Variants in ABCC3 observed in about 807,000 individuals in gnomAD.
ABCC3 encodes ATP-binding cassette sub-family C member 3.
In ABCC3, 121 loss-of-function variants were observed where a neutral mutation model predicts 165.3. The observed-to-expected ratio is 0.73, with a 90% CI of 0.63 to 0.85. The LOEUF (loss-of-function observed/expected upper bound fraction) is 0.85. Among genes scored for constraint, ABCC3 ranks in the 40% least tolerant of loss-of-function variants. The pLI is 0.00. For synonymous variants in ABCC3, 733 were observed against 810.1 expected (o/e 0.90, Z 1.62); for missense variants, 1,869 against 1,964.1 (o/e 0.95, Z 0.92).
At chr17:50,664,205 CTTGTAG>C in intron 10 of ABCC3, 94 bp downstream of exon 10, 6 of 1,516,112 alleles carry the variant, frequency 4.0e-6, no homozygotes, top group Non-Finnish European at 5.4e-6. Flanking sequence ...ATGGCACATG[CTTGTAG>C]TCCCAGCTGC....
chr17:50,667,643 G>A lies in ABCC3; in HGVS notation c.1521G>A (p.Glu507=). The part of the protein sequence containing the change: ...GIKVLKLYAW[E]PSFLKQVEGI... ...AGGTGCTGAAGCTGTACGCCTGGGA[G>A]CCCAGCTTCCTGAAGCAGGTGGAGG... Residue 507 remains glutamate, a synonymous_variant, in exon 12 of 31, where the codon GAG becomes GAA. Coordinates refer to ENST00000285238, the MANE Select transcript of ABCC3 (RefSeq NM_003786.4). The A allele has an allele frequency of 6.2e-7, 1 of 1,614,200 alleles. No homozygotes were observed. Among genetic ancestry groups the A allele is most frequent in the Non-Finnish European group, 8.5e-7 (1 of 1,180,046 alleles).
intron 17 of ABCC3, among the ~76,000 whole-genome samples, chr17:50,669,913 A>G (rs1967611464): frequency 6.6e-6 from 1 of 152,088 alleles, no homozygotes; most frequent in Non-Finnish European, 1.5e-5. Context: ...CTCTCGCCTC[A>G]GCCTCCTGAG....
intron 26 of ABCC3, among the ~76,000 whole-genome samples, chr17:50,682,172 G>A (rs532050061): frequency 2.6e-5 from 4 of 152,076 alleles, no homozygotes; most frequent in Admixed American, 6.6e-5. Context: ...AGAACTGCGC[G>A]TTTAGAGTAA....
At chr17:50,664,248 T>C (rs1967470193) in intron 10 of ABCC3, 137 bp downstream of exon 10, 1 of 1,240,114 alleles carries the variant, frequency 8.1e-7, no homozygotes, top group South Asian at 1.4e-5. Context: ...AGAGGATCAC[T>C]TGAGCCCAAG....
chr17:50,682,741 G>C (rs1342340251), intron 26 of ABCC3, among the ~76,000 whole-genome samples: 1 of 152,170 alleles, frequency 6.6e-6, no homozygotes, highest in Admixed American at 6.5e-5. Context: ...TTGCTTATCT[G>C]TTGATTATAT....
intron 1 of ABCC3, among the ~76,000 whole-genome samples, chr17:50,636,865 G>A (rs1392157454): frequency 2.0e-5 from 3 of 152,314 alleles, no homozygotes; most frequent in South Asian, 2.1e-4. Flanking sequence ...TTGAAGCAGC[G>A]AGTCCAACCC....
chr17:50,665,539 A>G (rs928742467), intron 11 of ABCC3, among the ~76,000 whole-genome samples: 24 of 152,256 alleles, frequency 1.6e-4, no homozygotes, highest in African/African-American at 5.3e-4. Flanking sequence ...TTCCCGCTGC[A>G]CTGTGCTAAG....
At position 50,683,827 on chromosome 17, in the gene ABCC3, C is replaced by T. The variant is rs550912311; in HGVS notation, c.3954+71C>T. The T allele has an allele frequency of 7.7e-6, 12 of 1,564,368 alleles. No homozygotes were observed. The African/African-American group carries it at 1.6e-4, about 21-fold the overall frequency. ...ACATGGCCACAGCCCTTGTGGGGAG[C>T]TTGGGTCTTTTGAGAGCACAAGTGC... On this transcript the variant is annotated intron_variant, in intron 27 of 30. Coordinates refer to ENST00000285238, the MANE Select transcript of ABCC3 (RefSeq NM_003786.4).
chr17:50,667,984 C>G lies in ABCC3; in HGVS notation c.1757C>G (p.Pro586Arg). The change falls in exon 13 of 31, where the codon CCC (proline) becomes CGC (arginine). Residue 586 changes from proline (P) to arginine (R), a missense_variant. Coordinates refer to ENST00000285238, the MANE Select transcript of ABCC3 (RefSeq NM_003786.4). ...NILRLPLNML[P>R]QLISNLTQAS... ...TTAAGACTTCCCCTCAACATGCTGC[C>G]CCAGTTAATCAGCAACCTGACTCAG... is the stretch of plus-strand genomic sequence containing the variant. 6.2e-7 allele frequency: 1 copy of G among 1,614,136 alleles called. No individual in the cohort carries two copies. The highest frequency in any genetic ancestry group is 2.2e-5 in the East Asian group (1 of 44,876).
chr17:50,663,997 A>G lies in ABCC3; in HGVS notation c.1224A>G (p.Glu408=), dbSNP rs1967463537. Residue 408 remains glutamate, a synonymous_variant, in exon 10 of 31, where the codon GAA becomes GAG. Transcript: ENST00000285238. ...TCAAACGTGCGTCCACTGTGGGGGA[A>G]ATTGTCAACCTCATGTCAGTGGATG... ...NSVKRASTVG[E]IVNLMSVDAQ... 3.7e-6 allele frequency: 6 copies of G among 1,614,042 alleles called. No individual in the cohort carries two copies. The highest frequency in any genetic ancestry group is 5.1e-6 in the Non-Finnish European group (6 of 1,179,970).
At chr17:50,650,407 G>A (rs1178205154) in intron 1 of ABCC3, among the ~76,000 whole-genome samples, 1 of 152,062 alleles carries the variant, frequency 6.6e-6, no homozygotes, top group Non-Finnish European at 1.5e-5. Flanking sequence ...GCACCCGGTC[G>A]CTAACTTTTA....
chr17:50,663,673 C>A lies in ABCC3; in HGVS notation c.999-8C>A, dbSNP rs772734496. 2.5e-6 allele frequency: 4 copies of A among 1,613,824 alleles called. No homozygotes were observed. Among genetic ancestry groups the A allele is most frequent in the Admixed American group, 1.7e-5 (1 of 60,018 alleles). ...ACTGCCCACCTCACTCCTCTCTCCT[C>A]CCCACAGCATCCTGATCAGGTTTAT... is the stretch of plus-strand genomic sequence containing the variant. On this transcript the variant is annotated splice_polypyrimidine_tract_variant and splice_region_variant and intron_variant, in intron 8 of 30. Transcript: ENST00000285238.
chr17:50,687,670 T>A lies in ABCC3; in HGVS notation c.4415T>A (p.Phe1472Tyr), dbSNP rs1968048081. The A allele has an allele frequency of 6.2e-7, 1 of 1,614,110 alleles. No individual in the cohort carries two copies. Among genetic ancestry groups the A allele is most frequent in the African/African-American group, 1.3e-5 (1 of 74,934 alleles). The change falls in exon 30 of 31, where the codon TTT becomes TAT. Residue 1472 changes from phenylalanine (F) to tyrosine (Y), a missense_variant. Phe to Tyr is a conservative substitution (Grantham distance 22, BLOSUM62 3). Transcript: ENST00000285238. ...NLIQATIRTQFDTCTVLTIAH... is the reference protein window; with the variant it reads ...NLIQATIRTQYDTCTVLTIAH... ...ATCCAGGCTACCATCCGCACCCAGT[T>A]TGATACCTGCACTGTCCTGACCATC...
Position 50,653,321 on chromosome 17 carries a change from G to A in ABCC3, c.46-2511G>A, listed in dbSNP as rs112015611. ...AGATCACGCCATTACACTCCAGCGT[G>A]GGGGCCAAGAGCGAGACTGTCTCAA... On this transcript the variant is annotated intron_variant, in intron 1 of 30. Transcript: ENST00000285238. Among the ~76,000 whole-genome samples, 1,306 of 148,680 alleles carry A rather than the reference G, an allele frequency of 8.8e-3. 11 individuals are homozygous for A. Among genetic ancestry groups the A allele is most frequent in the Non-Finnish European group, 0.014 (938 of 67,280 alleles).
chr17:50,651,693 T>A (rs1597843110), intron 1 of ABCC3, among the ~76,000 whole-genome samples: 1 of 152,180 alleles, frequency 6.6e-6, no homozygotes, highest in African/African-American at 2.4e-5. Context: ...CCACTTGCAC[T>A]CCAGAGTAGG....
Position 50,676,579 on chromosome 17 carries a change from C to T in ABCC3, c.3369C>T (p.Thr1123=), listed in dbSNP as rs1967817330. ...VVILPLAVLY[T]LVQRFYAATS... ...TCCTGCCCCTGGCTGTGCTCTACAC[C>T]TTAGTGCAGGTGTGGGGTGGGCGTG... The change falls in exon 23 of 31, where the codon ACC becomes ACT. Residue 1123 remains threonine, a synonymous_variant. Coordinates refer to ENST00000285238, the MANE Select transcript of ABCC3 (RefSeq NM_003786.4). 1.3e-6 allele frequency: 2 copies of T among 1,508,060 alleles called. No individual in the cohort carries two copies. Among genetic ancestry groups the T allele is most frequent in the Non-Finnish European group, 1.8e-6 (2 of 1,114,546 alleles). The allele number at this position is 1,508,060 out of a possible 1,614,324, so 93.4% of individuals were successfully genotyped here.
chr17:50,651,841 A>G (rs530044708), intron 1 of ABCC3, among the ~76,000 whole-genome samples: 1 of 152,360 alleles, frequency 6.6e-6, no homozygotes, highest in East Asian at 1.9e-4. Context: ...TATAAAGATG[A>G]GATAATAAAC....
intron 29 of ABCC3, 21 bp downstream of exon 29, chr17:50,684,896 G>C (rs1967995880): frequency 1.2e-6 from 2 of 1,608,328 alleles, no homozygotes; most frequent in African/African-American, 2.7e-5. Flanking sequence ...GGAGTGCAGA[G>C]GTCAGGAACT....
Position 50,669,399 on chromosome 17 carries a change from T to C in ABCC3, c.2112T>C (p.Thr704=). 6.2e-7 allele frequency: 1 copy of C among 1,614,232 alleles called. No individual in the cohort carries two copies. The highest frequency in any genetic ancestry group is 8.5e-7 in the Non-Finnish European group (1 of 1,180,036). ...AGCAGGCATGGATCCAGAACTGCAC[T>C]CTTCAGGAAAACGTGCTTTTCGGCA... is the stretch of plus-strand genomic sequence containing the variant. ...VPQQAWIQNC[T]LQENVLFGKA... is the part of the protein sequence containing the mutation. The change falls in exon 17 of 31, where the codon ACT becomes ACC. Residue 704 remains threonine, a synonymous_variant. Transcript: ENST00000285238.
Sources: allele counts gnomAD v4.1 joint callset (sites outside exome capture counted in the v4.1 genomes callset), GRCh38; gene constraint gnomAD v4.1.1; transcripts MANE v1.5; gene names NCBI Gene and HGNC (gene_info 2026-07-23, HGNC 2026-07-21).